KCNK10: variants seen among roughly 807,000 people sequenced by gnomAD.
The protein encoded by KCNK10 is potassium channel subfamily K member 10.
In KCNK10, 25 loss-of-function variants were observed where a neutral mutation model predicts 47.7. The ratio of observed to expected loss-of-function variants is 0.52; its 90% CI spans 0.38 to 0.73. The LOEUF (loss-of-function observed/expected upper bound fraction) is 0.73, where lower values mean the gene tolerates loss of function less well. Among genes scored for constraint, KCNK10 ranks in the 30% least tolerant of loss-of-function variants. KCNK10 has a pLI of 0.00. For synonymous variants in KCNK10, 303 were observed against 285.6 expected (o/e 1.06, Z -0.61); for missense variants, 563 against 714.5 (o/e 0.79, Z 2.42).
chr14:88,301,255 T>C (rs558339087), intron 1 of KCNK10, among the ~76,000 whole-genome samples: 63 of 152,336 alleles, frequency 4.1e-4, no homozygotes, highest in African/African-American at 1.5e-3. Context: ...ATGTTAGTTA[T>C]CACTGTCATT....
chr14:88,224,148 C>A (rs1399422023), intron 4 of KCNK10, among the ~76,000 whole-genome samples: 1 of 152,074 alleles, frequency 6.6e-6, no homozygotes, highest in Non-Finnish European at 1.5e-5. Context: ...CATCTGAGAG[C>A]AAAATTAAAC....
Position 88,219,913 on chromosome 14 carries a change from T to C in KCNK10, c.681+7462A>G, listed in dbSNP as rs373339578. 1.8e-4 allele frequency among the ~76,000 whole-genome samples: 27 copies of C among 152,346 alleles called. 1 individual carries two copies. Among genetic ancestry groups the C allele is most frequent in the African/African-American group, 6.5e-4 (27 of 41,588 alleles). ...AACTTTGAGAATCACTGGTCCATTA[T>C]GGCAATACTATCGTCCTTTGTCCGA... On this transcript the variant is annotated intron_variant, in intron 4 of 6. Coordinates refer to ENST00000319231, the MANE Select transcript of KCNK10 (RefSeq NM_138317.3).
chr14:88,214,841 C>T (rs1885569213), intron 4 of KCNK10, among the ~76,000 whole-genome samples: 1 of 152,134 alleles, frequency 6.6e-6, no homozygotes, highest in African/African-American at 2.4e-5. Context: ...TCTCAACTAG[C>T]CATTTTTATC....
intron 2 of KCNK10, among the ~76,000 whole-genome samples, chr14:88,253,668 G>A (rs1208306309): frequency 6.6e-6 from 1 of 152,186 alleles, no homozygotes; most frequent in Non-Finnish European, 1.5e-5. Context: ...GGGAGGCTGA[G>A]GTGGGCAGAT....
chr14:88,272,735 G>A (rs917734399), intron 1 of KCNK10, among the ~76,000 whole-genome samples: 2 of 152,098 alleles, frequency 1.3e-5, no homozygotes, highest in Admixed American at 6.5e-5. Flanking sequence ...GCAGCAGTGC[G>A]TAAGAGACAT....
intron 1 of KCNK10, among the ~76,000 whole-genome samples, chr14:88,264,963 G>C (rs1330680371): frequency 6.6e-6 from 1 of 152,074 alleles, no homozygotes; most frequent in Non-Finnish European, 1.5e-5. Context: ...CCTCATCACT[G>C]TATTTCATCC....
upstream of KCNK10, chr14:88,323,372 A>T (rs1321727675): frequency 2.2e-6 from 2 of 890,356 alleles, no homozygotes; most frequent in African/African-American, 3.6e-5. Context: ...GCTCCCCGAA[A>T]GCCATTGGAT....
chr14:88,274,359 C>T (rs1249653131), intron 1 of KCNK10, among the ~76,000 whole-genome samples: 2 of 151,898 alleles, frequency 1.3e-5, no homozygotes, highest in East Asian at 3.9e-4. Flanking sequence ...AAGATCCTTT[C>T]CAAACCAGCC....
intron 4 of KCNK10, among the ~76,000 whole-genome samples, chr14:88,199,370 T>C (rs566632683): frequency 6.6e-6 from 1 of 152,246 alleles, no homozygotes; most frequent in East Asian, 1.9e-4. Flanking sequence ...GGAAGACATG[T>C]TGTAAAAGCA....
chr14:88,314,747 G>A lies in KCNK10; in HGVS notation c.52+8000C>T, dbSNP rs532246446. Reference sequence around the variant, plus strand: ...ACTTCACAGGCTGCCTCCTGCAACTGTGAGAACAGCACAAGGCAGGTACCA... The same window carrying A: ...ACTTCACAGGCTGCCTCCTGCAACTATGAGAACAGCACAAGGCAGGTACCA... On this transcript the variant is annotated intron_variant, in intron 1 of 6. Coordinates refer to ENST00000319231, the MANE Select transcript of KCNK10 (RefSeq NM_138317.3). Among the ~76,000 whole-genome samples the A allele has an allele frequency of 2.0e-5, 3 of 152,332 alleles. No homozygotes were observed. The South Asian group carries it at 6.2e-4, about 32-fold the overall frequency.
upstream of KCNK10, among the ~76,000 whole-genome samples, chr14:88,324,695 C>A (rs1415250933): frequency 1.3e-5 from 2 of 152,130 alleles, no homozygotes; most frequent in East Asian, 3.9e-4. Context: ...CATTCCTATG[C>A]CTGCCAGCTG....
chr14:88,293,879 A>G (rs1325191506), intron 1 of KCNK10, among the ~76,000 whole-genome samples: 2 of 151,824 alleles, frequency 1.3e-5, no homozygotes, highest in Non-Finnish European at 2.9e-5. Context: ...GGGTCTCACT[A>G]TGTTGCTCAG....
At chr14:88,287,993 C>T (rs111698032) in intron 1 of KCNK10, among the ~76,000 whole-genome samples, 6,161 of 152,122 alleles carry the variant, frequency 0.041, 249 homozygotes, top group African/African-American at 0.096. Context: ...ACCACATCCC[C>T]GCCAACATCT....
chr14:88,197,859 G>GAGAGAGAGAGAGAGAGA (rs1884969856), intron 4 of KCNK10, among the ~76,000 whole-genome samples: 1 of 125,352 alleles, frequency 8.0e-6, no homozygotes, highest in African/African-American at 3.3e-5. Flanking sequence ...AGGAGGGAAG[G>GAGAGAGAGAGAGAGAGA]GAGAGAGAGA....
chr14:88,301,837 A>G (rs1263602262), intron 1 of KCNK10, among the ~76,000 whole-genome samples: 2 of 152,146 alleles, frequency 1.3e-5, no homozygotes, highest in African/African-American at 2.4e-5. Context: ...TTTTATGCCG[A>G]GTGGAAAGAG....
intron 4 of KCNK10, among the ~76,000 whole-genome samples, chr14:88,224,042 G>A (rs1265348830): frequency 6.6e-6 from 1 of 151,384 alleles, no homozygotes; most frequent in Non-Finnish European, 1.5e-5. Flanking sequence ...AAAGAAAATT[G>A]TGAGCATTCT....
chr14:88,293,376 G>A (rs1192908863), intron 1 of KCNK10, among the ~76,000 whole-genome samples: 1 of 152,096 alleles, frequency 6.6e-6, no homozygotes, highest in South Asian at 2.1e-4. Context: ...TAGCATAGTT[G>A]ATTTTAAAAT....
In KCNK10 at chr14:88,187,880, C is replaced by A. The variant is rs113538497; in HGVS notation, c.1011+87G>T. The A allele has an allele frequency of 1.1e-4, 160 of 1,479,786 alleles. 2 individuals carry two copies. In the African/African-American group the frequency reaches 2.0e-3, roughly 19 times the overall value. The allele number at this position is 1,479,786 out of a possible 1,614,324, so 91.7% of individuals were successfully genotyped here. On this transcript the variant is annotated intron_variant, in intron 6 of 6. Transcript: ENST00000319231. ...CCCCTGCAAAACCGAGCCAGAAACACTCCAGCCCACAGGACAGAGACAGGC... is the reference window on the plus strand; with the variant it reads ...CCCCTGCAAAACCGAGCCAGAAACAATCCAGCCCACAGGACAGAGACAGGC...
At chr14:88,319,000 C>A (rs1221902856) in intron 1 of KCNK10, among the ~76,000 whole-genome samples, 1 of 152,142 alleles carries the variant, frequency 6.6e-6, no homozygotes, top group Non-Finnish European at 1.5e-5. Context: ...AGCAGAAAAT[C>A]ATCAACAAAT....
Sources: gnomAD v4.1 joint callset for allele counts (sites outside exome capture counted in the v4.1 genomes callset) on GRCh38, gnomAD v4.1.1 for gene constraint, MANE v1.5 for transcripts, NCBI Gene and HGNC (gene_info 2026-07-23, HGNC 2026-07-21) for gene names.